USP32: variants seen among roughly 807,000 people sequenced by gnomAD.
USP32 encodes the protein ubiquitin carboxyl-terminal hydrolase 32.
In USP32, 59 loss-of-function variants were observed where a neutral mutation model predicts 204.8. That is an observed-to-expected ratio of 0.29 (90% CI 0.23 to 0.36). The LOEUF is 0.36. Ranked by LOEUF, USP32 falls within the 10% of genes least tolerant of loss-of-function variation. The probability of loss-of-function intolerance (pLI) is 1.00; values close to 1 mark genes in which losing one functional copy is unlikely to be tolerated. For missense variants in USP32, 1,160 were observed against 1,946.4 expected, an observed-to-expected ratio of 0.60 and a Z score of 7.60; for synonymous variants, 517 against 678.4, an observed-to-expected ratio of 0.76 and a Z score of 3.70.
At chr17:60,362,204 G>A (rs935446260) in intron 1 of USP32, among the ~76,000 whole-genome samples, 6 of 152,148 alleles carry the variant, frequency 3.9e-5, no homozygotes, top group African/African-American at 9.6e-5. Flanking sequence ...AAAAAAAATC[G>A]TAGTCTGAGA....
intron 27 of USP32, among the ~76,000 whole-genome samples, chr17:60,193,977 T>C (rs1343379692): frequency 2.0e-5 from 3 of 152,162 alleles, no homozygotes; most frequent in African/African-American, 7.2e-5. Context: ...TGAAAATTTC[T>C]TTTACCTTTT....
At chr17:60,274,720 G>C (rs534017726) in intron 5 of USP32, among the ~76,000 whole-genome samples, 3 of 151,926 alleles carry the variant, frequency 2.0e-5, no homozygotes, top group Non-Finnish European at 4.4e-5. Context: ...CAAATGAAGT[G>C]TTTTAGCAGA....
chr17:60,217,180 A>G (rs899989476), intron 16 of USP32, among the ~76,000 whole-genome samples: 2 of 152,236 alleles, frequency 1.3e-5, no homozygotes, highest in Non-Finnish European at 2.9e-5. Flanking sequence ...GCTTTTGAAT[A>G]GCACCAACAA....
intron 5 of USP32, among the ~76,000 whole-genome samples, chr17:60,279,357 C>G (rs1038000115): frequency 7.9e-5 from 12 of 151,426 alleles, no homozygotes; most frequent in Non-Finnish European, 1.5e-4. Flanking sequence ...GTGGTGAATG[C>G]ACCTGTGGCC....
chr17:60,214,874 A>G (rs1187893623), intron 16 of USP32, 100 bp from the exon 17 acceptor site: 21 of 1,514,458 alleles, frequency 1.4e-5, no homozygotes, highest in Non-Finnish European at 1.7e-5. Flanking sequence ...TAATAATGAG[A>G]AATGAGAATT....
intron 26 of USP32, among the ~76,000 whole-genome samples, chr17:60,204,501 C>A (rs962693503): frequency 5.4e-5 from 8 of 147,244 alleles, no homozygotes; most frequent in Non-Finnish European, 8.9e-5. Flanking sequence ...CAAAGTCTCA[C>A]TTTATCACCC....
intron 1 of USP32, among the ~76,000 whole-genome samples, chr17:60,390,193 C>T (rs73322608): frequency 6.6e-6 from 1 of 152,198 alleles, no homozygotes; most frequent in African/African-American, 2.4e-5. Flanking sequence ...TATTTACAAA[C>T]GTACCATCTT....
At chr17:60,260,548 A>G (rs147560846) in intron 9 of USP32, among the ~76,000 whole-genome samples, 1 of 151,972 alleles carries the variant, frequency 6.6e-6, no homozygotes, top group East Asian at 1.9e-4. Flanking sequence ...GGAATAAATC[A>G]TAGCATAATC....
At chr17:60,395,588 C>T (rs745490714), upstream of USP32, among the ~76,000 whole-genome samples, 1 of 152,130 alleles carries the variant, frequency 6.6e-6, no homozygotes, top group Non-Finnish European at 1.5e-5. Flanking sequence ...TTCTATTAAT[C>T]GTTTAGTTTG....
At chr17:60,421,682 C>A in intron 1 of USP32, 1 of 856,712 alleles carries the variant, frequency 1.2e-6, no homozygotes, top group Non-Finnish European at 1.4e-6. Flanking sequence ...GGCGAGGGTC[C>A]CGGGGCCTCC....
At chr17:60,406,755 C>A (rs1336774276) in intron 1 of USP32, among the ~76,000 whole-genome samples, 2 of 152,056 alleles carry the variant, frequency 1.3e-5, no homozygotes, top group African/African-American at 4.8e-5. Flanking sequence ...ACCTCGTGAT[C>A]CACCTGCCTC....
At chr17:60,266,876 G>T (rs191314060) in intron 7 of USP32, among the ~76,000 whole-genome samples, 1 of 151,594 alleles carries the variant, frequency 6.6e-6, no homozygotes, top group Non-Finnish European at 1.5e-5. Flanking sequence ...GGATGGTCTC[G>T]ATCTCCTGAC....
intron 11 of USP32, among the ~76,000 whole-genome samples, chr17:60,246,618 T>C (rs1239264199): frequency 6.6e-6 from 1 of 152,198 alleles, no homozygotes; most frequent in Non-Finnish European, 1.5e-5. Context: ...GGCACCTCCA[T>C]ACTGTTTTCC....
chr17:60,179,019 C>A lies in USP32; in HGVS notation c.*236G>T, dbSNP rs557743438. 70 of 446,218 alleles carry A rather than the reference C, an allele frequency of 1.6e-4. No individual in the cohort carries two copies. Among genetic ancestry groups the A allele is most frequent in the African/African-American group, 1.3e-3 (67 of 50,516 alleles). 27.6% of individuals were successfully genotyped at this position (446,218 alleles called of 1,614,324 possible). On this transcript the variant is annotated 3_prime_UTR_variant, in exon 34 of 34. Transcript: ENST00000300896. ...TGGTGCCAAACCTTTTGTTTACAGGCTAATGGTGGGATCTGCCTGAAAGTT... is the reference window on the plus strand; with the variant it reads ...TGGTGCCAAACCTTTTGTTTACAGGATAATGGTGGGATCTGCCTGAAAGTT...
At chr17:60,211,734 A>T (rs1273204522) in intron 19 of USP32, among the ~76,000 whole-genome samples, 1 of 152,120 alleles carries the variant, frequency 6.6e-6, no homozygotes, top group African/African-American at 2.4e-5. Flanking sequence ...AGCAGCAATT[A>T]TTCTTTTTAA....
chr17:60,229,384 T>C lies in USP32; in HGVS notation c.1240-3153A>G, dbSNP rs144315222. 5.9e-5 allele frequency among the ~76,000 whole-genome samples: 9 copies of C among 152,326 alleles called. No individual in the cohort carries two copies. In the East Asian group the frequency reaches 1.3e-3, roughly 23 times the overall value. Reference sequence around the variant, plus strand: ...AAGTTCTCTATGTGATCTCACTACATATGCAGCCAGAATTAATAACTATTG... The same window carrying C: ...AAGTTCTCTATGTGATCTCACTACACATGCAGCCAGAATTAATAACTATTG... On this transcript the variant is annotated intron_variant, in intron 12 of 33. Transcript: ENST00000300896.
intron 9 of USP32, among the ~76,000 whole-genome samples, chr17:60,264,522 A>T (rs991019753): frequency 1.3e-5 from 2 of 148,926 alleles, no homozygotes; most frequent in African/African-American, 5.1e-5. Flanking sequence ...CTCCAAAAAA[A>T]CAAACAGACA....
At position 60,382,390 on chromosome 17, in the gene USP32, G is replaced by A. The variant is rs189933235; in HGVS notation, c.58+9492C>T. Among the ~76,000 whole-genome samples the A allele has an allele frequency of 2.2e-3, 333 of 152,160 alleles. 4 individuals carry two copies. The highest frequency in any genetic ancestry group is 7.5e-3 in the African/African-American group (312 of 41,500). ...TGCACACCTGTAGTCCCCACAATTC[G>A]GGAGACCTGAACCACCATGCCCAGC... On this transcript the variant is annotated intron_variant, in intron 1 of 33. Coordinates refer to ENST00000300896, the MANE Select transcript of USP32 (RefSeq NM_032582.4).
At chr17:60,188,728 A>G (rs1046978507) in intron 29 of USP32, among the ~76,000 whole-genome samples, 3 of 152,236 alleles carry the variant, frequency 2.0e-5, no homozygotes, top group African/African-American at 7.2e-5. Context: ...CCTCAGATAA[A>G]TTCCTAAAAG....
Sources: allele counts gnomAD v4.1 joint callset (sites outside exome capture counted in the v4.1 genomes callset), GRCh38; gene constraint gnomAD v4.1.1; transcripts MANE v1.5; gene names NCBI Gene and HGNC (gene_info 2026-07-23, HGNC 2026-07-21).